Variants in CLVS1 observed in about 807,000 individuals in gnomAD.
CLVS1 encodes the protein clavesin 1.
Under a neutral mutation model 33.1 loss-of-function variants are expected in CLVS1, and 10 were observed. That is an observed-to-expected ratio of 0.30 (90% CI 0.19 to 0.51). The LOEUF (loss-of-function observed/expected upper bound fraction) is 0.51. CLVS1 is among the 20% of genes least tolerant of loss of function. The pLI is 0.97. For missense variants in CLVS1, 343 were observed against 433.4 expected, an observed-to-expected ratio of 0.79 and a Z score of 1.85; for synonymous variants, 163 against 166.1, an observed-to-expected ratio of 0.98 and a Z score of 0.14.
the CLVS1 span, among the ~76,000 whole-genome samples, chr8:61,043,067 C>A: frequency 1.3e-5 from 2 of 152,182 alleles, no homozygotes; most frequent in African/African-American, 2.4e-5. Flanking sequence ...ATCATCATGT[C>A]CCTGTTAGAG....
chr8:61,442,679 A>G (rs914449006), intron 3 of CLVS1, among the ~76,000 whole-genome samples: 7 of 152,036 alleles, frequency 4.6e-5, no homozygotes, highest in African/African-American at 1.7e-4. Flanking sequence ...GGCTCACCAC[A>G]ACCTCCACCT....
the CLVS1 span, among the ~76,000 whole-genome samples, chr8:61,008,254 C>A: frequency 6.6e-6 from 1 of 151,872 alleles, no homozygotes; most frequent in Non-Finnish European, 1.5e-5. Flanking sequence ...TAATATGGCA[C>A]CCAAATTGGT....
At chr8:61,088,887 C>G (rs183717659) in intron 1 of CLVS1, among the ~76,000 whole-genome samples, 1 of 151,268 alleles carries the variant, frequency 6.6e-6, no homozygotes, top group Non-Finnish European at 1.5e-5. Flanking sequence ...CTGCAAGCTC[C>G]GCCTCCTGGG....
intron 2 of CLVS1, among the ~76,000 whole-genome samples, chr8:61,140,853 A>G (rs763074256): frequency 2.6e-5 from 4 of 152,218 alleles, no homozygotes; most frequent in Admixed American, 6.5e-5. Context: ...GGCGTGAGCC[A>G]CCGTAATTTT....
At chr8:61,149,852 TA>T (rs1420613118) in intron 2 of CLVS1, among the ~76,000 whole-genome samples, 1 of 152,150 alleles carries the variant, frequency 6.6e-6, no homozygotes, top group Non-Finnish European at 1.5e-5. Flanking sequence ...GAGATTAAGC[TA>T]AAAATATATT....
At chr8:61,271,435 G>C (rs889810455) in intron 2 of CLVS1, among the ~76,000 whole-genome samples, 12 of 147,934 alleles carry the variant, frequency 8.1e-5, no homozygotes, top group Admixed American at 1.3e-4. Context: ...TTACTTCCAA[G>C]TATGTGGTCA....
rs186611189 is a variant in CLVS1 at position 61,468,475 on chromosome 8, G to A, written c.977+9933G>A. Among the ~76,000 whole-genome samples, 7 of 152,184 alleles carry A rather than the reference G, an allele frequency of 4.6e-5. No individual in the cohort carries two copies. The East Asian group carries it at 1.2e-3, about 25-fold the overall frequency. On this transcript the variant is annotated intron_variant, in intron 5 of 5. Coordinates refer to ENST00000325897, the MANE Select transcript of CLVS1 (RefSeq NM_173519.3). Reference sequence around the variant, plus strand: ...TATCTTGTCCTAGGATTCTTTTTGGGTAGAACAGCTGTTAGCATCTCACTG... The same window carrying A: ...TATCTTGTCCTAGGATTCTTTTTGGATAGAACAGCTGTTAGCATCTCACTG...
chr8:60,977,277 CAA>C, the CLVS1 span, among the ~76,000 whole-genome samples: 135 of 152,112 alleles, frequency 8.9e-4, no homozygotes, highest in Non-Finnish European at 1.5e-3. Context: ...AACAAAAATA[CAA>C]AATATACAAA....
At chr8:61,450,715 T>C (rs1384687872) in intron 3 of CLVS1, among the ~76,000 whole-genome samples, 2 of 152,160 alleles carry the variant, frequency 1.3e-5, no homozygotes, top group Non-Finnish European at 2.9e-5. Flanking sequence ...AAGTGAGACA[T>C]ACTGTAGGCC....
At position 61,408,753 on chromosome 8, in the gene CLVS1, C is replaced by A. The variant is rs566314536; in HGVS notation, c.630+31974C>A. Reference sequence around the variant, plus strand: ...TAGTCATCTTGGGGAGACACATTACCTTTTACCTTCAGTCACTCTTGGGCT... The same window carrying A: ...TAGTCATCTTGGGGAGACACATTACATTTTACCTTCAGTCACTCTTGGGCT... On this transcript the variant is annotated intron_variant, in intron 3 of 5. Coordinates refer to ENST00000325897, the MANE Select transcript of CLVS1 (RefSeq NM_173519.3). Among the ~76,000 whole-genome samples, 5 of 152,300 alleles carry A rather than the reference C, an allele frequency of 3.3e-5. No homozygotes were observed. In the South Asian group the frequency reaches 1.0e-3, roughly 32 times the overall value.
At chr8:61,374,331 G>A (rs1813558371) in intron 2 of CLVS1, among the ~76,000 whole-genome samples, 1 of 152,040 alleles carries the variant, frequency 6.6e-6, no homozygotes, top group Non-Finnish European at 1.5e-5. Context: ...AGTGCTGTAT[G>A]TAAGCTTTAC....
chr8:61,470,920 A>G (rs1401470297), intron 5 of CLVS1, among the ~76,000 whole-genome samples: 2 of 152,128 alleles, frequency 1.3e-5, no homozygotes, highest in African/African-American at 4.8e-5. Context: ...TCACAGCCCC[A>G]CTTAGAACGC....
At chr8:61,117,180 G>A (rs1394473167) in intron 1 of CLVS1, among the ~76,000 whole-genome samples, 7 of 119,166 alleles carry the variant, frequency 5.9e-5, no homozygotes, top group East Asian at 2.4e-4. Context: ...TTTGTCTGTT[G>A]TTGGTGTATA....
intron 3 of CLVS1, among the ~76,000 whole-genome samples, chr8:61,411,319 G>A (rs570793461): frequency 6.6e-6 from 1 of 152,248 alleles, no homozygotes; most frequent in Admixed American, 6.5e-5. Flanking sequence ...GCCCACCCTG[G>A]CCCTGTGCTG....
At chr8:61,047,386 G>C in the CLVS1 span, among the ~76,000 whole-genome samples, 1 of 152,210 alleles carries the variant, frequency 6.6e-6, no homozygotes, top group Non-Finnish European at 1.5e-5. Context: ...AACCATTGTG[G>C]AAGTCAGTGT....
intron 2 of CLVS1, among the ~76,000 whole-genome samples, chr8:61,264,157 A>G (rs998091764): frequency 6.6e-6 from 1 of 152,084 alleles, no homozygotes; most frequent in Admixed American, 6.5e-5. Context: ...AGCCTCTGAC[A>G]TTAGCTGGTT....
chr8:61,138,660 C>T (rs189268361), intron 2 of CLVS1, among the ~76,000 whole-genome samples: 1 of 151,768 alleles, frequency 6.6e-6, no homozygotes, highest in Non-Finnish European at 1.5e-5. Context: ...CCAGTGGGTC[C>T]CCAGGAGTCC....
chr8:61,354,064 T>C (rs1812585385), intron 2 of CLVS1, among the ~76,000 whole-genome samples: 1 of 152,056 alleles, frequency 6.6e-6, no homozygotes, highest in African/African-American at 2.4e-5. Context: ...TGACTAGCCC[T>C]ATAGCCTTCA....
chr8:61,052,611 G>A (rs181157417), upstream of CLVS1, among the ~76,000 whole-genome samples: 42 of 152,304 alleles, frequency 2.8e-4, no homozygotes, highest in East Asian at 4.0e-3. Flanking sequence ...AGGTATAATC[G>A]TGCTGGTGAG....
Sources: gnomAD v4.1 joint callset for allele counts (sites outside exome capture counted in the v4.1 genomes callset) on GRCh38, gnomAD v4.1.1 for gene constraint, MANE v1.5 for transcripts, NCBI Gene and HGNC (gene_info 2026-07-23, HGNC 2026-07-21) for gene names.